The following IMMP2L variants were observed in gnomAD, a reference collection of about 807,000 sequenced individuals.
The protein encoded by IMMP2L is inner mitochondrial membrane peptidase subunit 2, also known as mitochondrial inner membrane protease subunit 2.
In IMMP2L, 18 loss-of-function variants were observed where a neutral mutation model predicts 19.3. The ratio of observed to expected loss-of-function variants is 0.93; its 90% CI spans 0.64 to 1.38. The LOEUF (loss-of-function observed/expected upper bound fraction) is 1.38, where lower values mean the gene tolerates loss of function less well. Ranked by LOEUF, IMMP2L falls within the 40% of genes most tolerant of loss-of-function variation. IMMP2L has a pLI of 0.00. For missense variants in IMMP2L, 233 were observed against 218.2 expected, an observed-to-expected ratio of 1.07 and a Z score of -0.43; for synonymous variants, 76 against 73.0, an observed-to-expected ratio of 1.04 and a Z score of -0.21.
intron 4 of IMMP2L, among the ~76,000 whole-genome samples, chr7:110,888,858 G>A (rs533594607): frequency 6.6e-6 from 1 of 152,030 alleles, no homozygotes; most frequent in African/African-American, 2.4e-5. Flanking sequence ...TGCCTTATTT[G>A]TTCATAAGAG....
chr7:111,430,297 T>C (rs754778807), intron 3 of IMMP2L, among the ~76,000 whole-genome samples: 1 of 151,828 alleles, frequency 6.6e-6, no homozygotes, highest in African/African-American at 2.4e-5. Context: ...AACTGAAATA[T>C]GTCTGACAAC....
intron 3 of IMMP2L, among the ~76,000 whole-genome samples, chr7:111,332,879 C>G (rs368028906): frequency 3.6e-4 from 54 of 151,954 alleles, no homozygotes; most frequent in Admixed American, 8.5e-4. Context: ...AGGCTCCTTG[C>G]GATGGTTAAT....
chr7:111,087,011 C>T (rs1378918939), intron 3 of IMMP2L, among the ~76,000 whole-genome samples: 1 of 152,124 alleles, frequency 6.6e-6, no homozygotes, highest in Non-Finnish European at 1.5e-5. Flanking sequence ...ATATTGAGTA[C>T]CTTGTGCAGT....
intron 3 of IMMP2L, among the ~76,000 whole-genome samples, chr7:111,026,370 A>T (rs927771496): frequency 2.6e-5 from 4 of 152,080 alleles, no homozygotes; most frequent in Admixed American, 2.0e-4. Flanking sequence ...TCGCCATTTA[A>T]TCCTTAAAAC....
chr7:111,203,524 T>G (rs541371293), intron 3 of IMMP2L, among the ~76,000 whole-genome samples: 1 of 151,678 alleles, frequency 6.6e-6, no homozygotes, highest in African/African-American at 2.4e-5. Flanking sequence ...GAAATAATGT[T>G]TGGGAAAGAG....
chr7:111,262,625 T>TC lies in IMMP2L; in HGVS notation c.239+224612dup, dbSNP rs112544567. Reference sequence around the variant, plus strand: ...TAGCAAGATGTCCCTAGCTAATGATTCCTATAGTAAACAGAACGCAAGATT... The same window carrying TC: ...TAGCAAGATGTCCCTAGCTAATGATTCCCTATAGTAAACAGAACGCAAGATT... On this transcript the variant is annotated intron_variant, in intron 3 of 5. Transcript: ENST00000405709. Among the ~76,000 whole-genome samples the TC allele has an allele frequency of 3.5e-3, 534 of 152,242 alleles. 3 individuals carry two copies. The highest frequency in any genetic ancestry group is 0.012 in the African/African-American group (506 of 41,554).
chr7:111,124,763 A>G, intron 3 of IMMP2L: 5 of 1,613,926 alleles, frequency 3.1e-6, no homozygotes, highest in Non-Finnish European at 4.2e-6. Flanking sequence ...TATGTGAGGA[A>G]TTACTTACAG....
At chr7:110,929,013 C>T (rs779336793) in intron 4 of IMMP2L, among the ~76,000 whole-genome samples, 2 of 152,044 alleles carry the variant, frequency 1.3e-5, no homozygotes, top group Non-Finnish European at 2.9e-5. Context: ...ATCACTAGCC[C>T]ATCTCTGTGT....
At chr7:111,088,150 A>C (rs1586179940) in intron 3 of IMMP2L, among the ~76,000 whole-genome samples, 1 of 152,178 alleles carries the variant, frequency 6.6e-6, no homozygotes, top group South Asian at 2.1e-4. Context: ...AAAGCCCAGG[A>C]TTTGATGAAA....
intron 3 of IMMP2L, among the ~76,000 whole-genome samples, chr7:111,270,057 CTGTGTGTGTGTG>C (rs58848663): frequency 5.1e-4 from 72 of 140,622 alleles, no homozygotes; most frequent in Middle Eastern, 3.6e-3. Flanking sequence ...GCATGTGTGT[CTGTGTGTGTGTG>C]TGTGTGTGTG....
chr7:110,679,546 A>T (rs746442514), intron 5 of IMMP2L, among the ~76,000 whole-genome samples: 10 of 151,502 alleles, frequency 6.6e-5, no homozygotes, highest in Non-Finnish European at 1.2e-4. Flanking sequence ...ATTTAGACCA[A>T]CTGGGCAGGC....
At chr7:111,306,778 T>C (rs1310645858) in intron 3 of IMMP2L, among the ~76,000 whole-genome samples, 1 of 151,768 alleles carries the variant, frequency 6.6e-6, no homozygotes, top group East Asian at 1.9e-4. Flanking sequence ...TTTCTGACTT[T>C]TATCCTTTGG....
At chr7:111,234,216 T>C (rs1379940318) in intron 3 of IMMP2L, among the ~76,000 whole-genome samples, 1 of 152,122 alleles carries the variant, frequency 6.6e-6, no homozygotes, top group Non-Finnish European at 1.5e-5. Context: ...TTGACAAATA[T>C]GTGGAGATTT....
At chr7:111,329,042 T>C (rs1295786022) in intron 3 of IMMP2L, among the ~76,000 whole-genome samples, 1 of 151,838 alleles carries the variant, frequency 6.6e-6, no homozygotes, top group African/African-American at 2.4e-5. Context: ...TCATAAAGCC[T>C]ACAATAATTT....
At chr7:110,788,332 C>CACTGAGACTAAACATCCAG (rs1562975493) in intron 5 of IMMP2L, among the ~76,000 whole-genome samples, 1 of 151,926 alleles carries the variant, frequency 6.6e-6, no homozygotes, top group African/African-American at 2.4e-5. Flanking sequence ...AATTCTCAGT[C>CACTGAGACTAAACATCCAG]CACATCTTAT....
intron 3 of IMMP2L, among the ~76,000 whole-genome samples, chr7:111,286,375 C>A (rs992479657): frequency 3.9e-5 from 6 of 152,102 alleles, no homozygotes; most frequent in South Asian, 2.1e-4. Context: ...CCACGATCAA[C>A]GCAATAATGA....
At chr7:111,392,859 G>T in intron 3 of IMMP2L, 1 of 456,546 alleles carries the variant, frequency 2.2e-6, no homozygotes, top group Non-Finnish European at 4.4e-6. Context: ...GGTAAATCTA[G>T]TGAGGTCTGG....
At chr7:111,255,420 CA>C (rs1290090126) in intron 3 of IMMP2L, among the ~76,000 whole-genome samples, 1 of 151,864 alleles carries the variant, frequency 6.6e-6, no homozygotes, top group African/African-American at 2.4e-5. Context: ...ATCCATTTTA[CA>C]AAAACATGCT....
chr7:110,670,807 T>C lies in IMMP2L; in HGVS notation c.409-7086A>G, dbSNP rs370655763. On this transcript the variant is annotated intron_variant, in intron 5 of 5. Coordinates refer to ENST00000405709, the MANE Select transcript of IMMP2L (RefSeq NM_032549.4). Reference sequence around the variant, plus strand: ...AAAATAGGGGAACAAAGAAATATGTTGAGAGAAAAACAAAACAATTTTTGC... The same window carrying C: ...AAAATAGGGGAACAAAGAAATATGTCGAGAGAAAAACAAAACAATTTTTGC... Among the ~76,000 whole-genome samples the C allele has an allele frequency of 2.0e-5, 3 of 152,040 alleles. No individual in the cohort carries two copies. In the East Asian group the frequency reaches 5.8e-4, roughly 29 times the overall value.
Sources: gnomAD v4.1 joint callset for allele counts (sites outside exome capture counted in the v4.1 genomes callset) on GRCh38, gnomAD v4.1.1 for gene constraint, MANE v1.5 for transcripts, NCBI Gene and HGNC (gene_info 2026-07-23, HGNC 2026-07-21) for gene names.